VPS50: variants seen among roughly 807,000 people sequenced by gnomAD.
VPS50 encodes syndetin.
A neutral mutation model predicts 139.7 loss-of-function variants in VPS50; 70 were observed. The ratio of observed to expected loss-of-function variants is 0.50; its 90% CI spans 0.41 to 0.61. The LOEUF is 0.61. Ranked by LOEUF, VPS50 falls within the 20% of genes least tolerant of loss-of-function variation. The pLI, the probability that VPS50 is intolerant of heterozygous loss-of-function variation, is 0.00. For synonymous variants in VPS50, 365 were observed against 376.7 expected (o/e 0.97, Z 0.36); for missense variants, 921 against 1,133.7 (o/e 0.81, Z 2.69).
intron 20 of VPS50, among the ~76,000 whole-genome samples, chr7:93,319,195 G>GA (rs1224803115): frequency 1.2e-4 from 18 of 151,750 alleles, no homozygotes; most frequent in Admixed American, 9.9e-4. Flanking sequence ...TATAGTCACA[G>GA]AAAAAAAACA....
intron 20 of VPS50, among the ~76,000 whole-genome samples, chr7:93,315,335 A>G (rs1160863252): frequency 1.3e-5 from 2 of 152,216 alleles, no homozygotes; most frequent in Non-Finnish European, 2.9e-5. Context: ...GTCATTTCAT[A>G]CTACAAACTG....
At chr7:93,251,558 C>T (rs1232920073) in intron 2 of VPS50, among the ~76,000 whole-genome samples, 1 of 151,980 alleles carries the variant, frequency 6.6e-6, no homozygotes, top group Non-Finnish European at 1.5e-5. Context: ...AGGAGAAATA[C>T]CTAATGTAGA....
Position 93,353,693 on chromosome 7 carries a change from A to C in VPS50, c.2517A>C (p.Ile839=), listed in dbSNP as rs1429962080. ...ATGAAGTTTCTAAGAGAGTTCGCAT[A>C]CCCTTGCCTGTGTCTAATATACTTT... ...RLNEVSKRVR[I]PLPVSNILWE... is the part of the protein sequence containing the mutation. The change falls in exon 26 of 28, where the codon ATA becomes ATC. Residue 839 remains isoleucine, a synonymous_variant. Transcript: ENST00000305866. 3 of 1,612,858 alleles carry C rather than the reference A, an allele frequency of 1.9e-6. No homozygotes were observed. The highest frequency in any genetic ancestry group is 2.5e-6 in the Non-Finnish European group (3 of 1,179,054).
intron 14 of VPS50, 39 bp downstream of exon 14, chr7:93,294,675 TAGA>T (rs1796753959): frequency 6.9e-7 from 1 of 1,443,922 alleles, no homozygotes; most frequent in Non-Finnish European, 9.5e-7. Context: ...ACAGAAGCAA[TAGA>T]AATGTCATGT....
At chr7:93,282,104 T>A (rs529527573) in intron 12 of VPS50, among the ~76,000 whole-genome samples, 1 of 151,648 alleles carries the variant, frequency 6.6e-6, no homozygotes, top group Admixed American at 6.6e-5. Context: ...CTCGGGAGGC[T>A]GAGGCAGGAG....
rs142687632 is a variant in VPS50, at chr7:93,285,973, T to C, written c.943-5730T>C. Among the ~76,000 whole-genome samples the C allele has an allele frequency of 2.6e-5, 4 of 152,320 alleles. No individual in the cohort carries two copies. The East Asian group carries it at 7.7e-4, about 29-fold the overall frequency. ...TATGTTGTCTCTGTTATAGAGTTTA[T>C]GGATTTTTTTTAAATTAGGATGGTT... On this transcript the variant is annotated intron_variant, in intron 12 of 27. Transcript: ENST00000305866.
intron 20 of VPS50, chr7:93,321,205 T>G (rs1454945810): frequency 6.6e-6 from 1 of 152,238 alleles, no homozygotes; most frequent in African/African-American, 2.4e-5. Context: ...TCTTGGGTCC[T>G]TTACAGGAAA....
intron 10 of VPS50, among the ~76,000 whole-genome samples, chr7:93,272,392 A>C (rs1173066150): frequency 6.6e-6 from 1 of 151,876 alleles, no homozygotes; most frequent in Non-Finnish European, 1.5e-5. Flanking sequence ...AACACTAGGC[A>C]TGGGTTTTAA....
In VPS50 at chr7:93,262,702, C is replaced by G. The variant is rs73415356; in HGVS notation, c.659+3070C>G. Among the ~76,000 whole-genome samples, 1,430 of 152,306 alleles carry G rather than the reference C, an allele frequency of 9.4e-3. 22 individuals are homozygous for G. The highest frequency in any genetic ancestry group is 0.03 in the African/African-American group (1,265 of 41,566). ...ATTTAGTGACAGTGTCAGGGTGACT[C>G]AGAGAGCAGGGCTATCAGTTGGAGC... On this transcript the variant is annotated intron_variant, in intron 9 of 27. Coordinates refer to ENST00000305866, the MANE Select transcript of VPS50 (RefSeq NM_017667.4).
At chr7:93,241,840 CAT>C (rs572685913) in intron 2 of VPS50, among the ~76,000 whole-genome samples, 34 of 152,112 alleles carry the variant, frequency 2.2e-4, no homozygotes, top group African/African-American at 7.7e-4. Flanking sequence ...GATCATAACA[CAT>C]ATATTTTAAT....
At chr7:93,317,371 A>G (rs1309764697) in intron 20 of VPS50, among the ~76,000 whole-genome samples, 2 of 152,046 alleles carry the variant, frequency 1.3e-5, no homozygotes, top group Non-Finnish European at 2.9e-5. Context: ...CCAACATAGC[A>G]AAACCTTGTC....
chr7:93,342,604 G>T (rs980678590), intron 23 of VPS50, among the ~76,000 whole-genome samples: 3 of 152,202 alleles, frequency 2.0e-5, no homozygotes, highest in Non-Finnish European at 4.4e-5. Context: ...GAGAGCAGTG[G>T]TTCTCCCAGC....
chr7:93,249,480 A>G (rs896541334), intron 2 of VPS50, among the ~76,000 whole-genome samples: 2 of 152,102 alleles, frequency 1.3e-5, no homozygotes, highest in African/African-American at 2.4e-5. Context: ...GAACCTCAGC[A>G]TGGTGTTATA....
intron 14 of VPS50, among the ~76,000 whole-genome samples, chr7:93,296,109 T>G (rs539528765): frequency 6.6e-6 from 1 of 152,322 alleles, no homozygotes; most frequent in South Asian, 2.1e-4. Context: ...ATGAATCAGT[T>G]AATATTTATA....
intron 23 of VPS50, among the ~76,000 whole-genome samples, chr7:93,342,657 G>T (rs1376678051): frequency 2.0e-5 from 3 of 152,212 alleles, no homozygotes; most frequent in Non-Finnish European, 4.4e-5. Flanking sequence ...CCTCAAGTGG[G>T]TCCCTGACCA....
At chr7:93,291,583 G>T (rs997659818) in intron 12 of VPS50, 120 bp from the exon 13 acceptor site, 2 of 548,438 alleles carry the variant, frequency 3.6e-6, no homozygotes, top group South Asian at 1.1e-4. Context: ...AGATATGTCA[G>T]TTGAAGAAAT....
chr7:93,248,466 C>G (rs1795220041), intron 2 of VPS50, among the ~76,000 whole-genome samples: 1 of 151,984 alleles, frequency 6.6e-6, no homozygotes, highest in Admixed American at 6.6e-5. Flanking sequence ...GTTTATTTTT[C>G]TAATTTACAT....
At chr7:93,330,604 A>G (rs531985980) in intron 21 of VPS50, among the ~76,000 whole-genome samples, 2 of 152,062 alleles carry the variant, frequency 1.3e-5, no homozygotes, top group Admixed American at 6.5e-5. Context: ...AAATACAAAA[A>G]TTAGCCAAGT....
At chr7:93,290,573 C>A (rs1308676142) in intron 12 of VPS50, among the ~76,000 whole-genome samples, 1 of 151,600 alleles carries the variant, frequency 6.6e-6, no homozygotes, top group East Asian at 1.9e-4. Flanking sequence ...TGATCAGCAC[C>A]TATTGAGATA....
Sources: allele counts gnomAD v4.1 joint callset (sites outside exome capture counted in the v4.1 genomes callset), GRCh38; gene constraint gnomAD v4.1.1; transcripts MANE v1.5; gene names NCBI Gene and HGNC (gene_info 2026-07-23, HGNC 2026-07-21).